DLGAP2: variants seen among roughly 807,000 people sequenced by gnomAD.
The protein encoded by DLGAP2 is DLG associated protein 2.
DLGAP2 carries 26 observed loss-of-function variants against 100.3 expected under a neutral mutation model. That is an observed-to-expected ratio of 0.26 (90% confidence interval 0.19 to 0.36). DLGAP2 has a LOEUF of 0.36. DLGAP2 is among the 10% of genes least tolerant of loss of function. The pLI, the probability that DLGAP2 is intolerant of heterozygous loss-of-function variation, is 1.00. For missense variants in DLGAP2, 1,858 were observed against 1,453.2 expected, an observed-to-expected ratio of 1.28 and a Z score of -4.53; for synonymous variants, 886 against 630.1, an observed-to-expected ratio of 1.41 and a Z score of -6.08.
Position 1,513,074 on chromosome 8 carries a change from A to G in DLGAP2, c.172+11643A>G, listed in dbSNP as rs534678205. ...TCCAGGGAGGCTCAGTGGGATAAGC[A>G]TCTGCCTTTCCCAGTGCAGGGCAAG... is the stretch of plus-strand genomic sequence containing the variant. On this transcript the variant is annotated intron_variant, in intron 4 of 14. Coordinates refer to ENST00000637795, the MANE Select transcript of DLGAP2 (RefSeq NM_001346810.2). 2.7e-4 allele frequency among the ~76,000 whole-genome samples: 35 copies of G among 128,188 alleles called. 1 individual carries two copies. The highest frequency in any genetic ancestry group is 9.6e-4 in the African/African-American group (32 of 33,376). 84.1% of individuals were successfully genotyped at this position (128,188 alleles called of 152,430 possible). A position where few individuals can be genotyped will look rare whatever the true frequency, so the allele number is the denominator to read the frequency against.
At chr8:1,092,201 G>A (rs375381476) in intron 2 of DLGAP2, among the ~76,000 whole-genome samples, 2 of 152,254 alleles carry the variant, frequency 1.3e-5, no homozygotes, top group South Asian at 4.1e-4. Context: ...ACAGGTCAGC[G>A]CTGGGCAGTC....
chr8:856,116 C>G (rs780185250), intron 1 of DLGAP2, among the ~76,000 whole-genome samples: 1 of 150,120 alleles, frequency 6.7e-6, no homozygotes, highest in Non-Finnish European at 1.5e-5. Context: ...ATGCATTTGT[C>G]AACAGATGAC....
intron 3 of DLGAP2, among the ~76,000 whole-genome samples, chr8:1,267,275 A>G (rs1379561874): frequency 1.3e-5 from 2 of 149,076 alleles, no homozygotes; most frequent in East Asian, 2.0e-4. Context: ...AAATAAAATA[A>G]AATAAAAAGG....
chr8:1,622,190 A>G (rs943098372), intron 6 of DLGAP2: 1 of 152,222 alleles, frequency 6.6e-6, no homozygotes, highest in African/African-American at 2.4e-5. Flanking sequence ...TCCATTTTCC[A>G]TTGAATGCAG....
Position 936,188 on chromosome 8 carries a change from G to A in DLGAP2, c.73+28222G>A, listed in dbSNP as rs559801908. On this transcript the variant is annotated intron_variant, in intron 2 of 14. Coordinates refer to ENST00000637795, the MANE Select transcript of DLGAP2 (RefSeq NM_001346810.2). ...GGGTCTCTGAAGAGAGTGAGCCTCT[G>A]TAGGAGTCTGTGTGGCCCGGTCAGC... Among the ~76,000 whole-genome samples the A allele has an allele frequency of 6.5e-4, 99 of 152,308 alleles. 2 individuals carry two copies. In the Middle Eastern group the frequency reaches 0.01, roughly 16 times the overall value.
At chr8:1,110,782 C>A (rs1178917734) in intron 2 of DLGAP2, among the ~76,000 whole-genome samples, 3 of 149,854 alleles carry the variant, frequency 2.0e-5, no homozygotes, top group Non-Finnish European at 4.4e-5. Flanking sequence ...TTTTTACAGA[C>A]CCTCTCTCTC....
intron 2 of DLGAP2, among the ~76,000 whole-genome samples, chr8:1,242,013 T>C (rs938756960): frequency 6.6e-6 from 1 of 152,192 alleles, no homozygotes; most frequent in Admixed American, 6.5e-5. Context: ...CAGGGAATGG[T>C]ACGCAGGTAG....
intron 3 of DLGAP2, among the ~76,000 whole-genome samples, chr8:1,477,356 G>T (rs1798963960): frequency 6.6e-6 from 1 of 152,182 alleles, no homozygotes; most frequent in South Asian, 2.1e-4. Flanking sequence ...TGGACAGGCT[G>T]CCTCCCCACC....
At chr8:1,539,877 G>A (rs1801299165) in intron 4 of DLGAP2, among the ~76,000 whole-genome samples, 1 of 133,110 alleles carries the variant, frequency 7.5e-6, no homozygotes, top group African/African-American at 3.4e-5. Context: ...CCTTCTTCCT[G>A]TGCCCCCCAA....
chr8:1,685,316 C>T (rs73547777), intron 12 of DLGAP2, among the ~76,000 whole-genome samples: 6,601 of 152,204 alleles, frequency 0.043, 478 homozygotes, highest in African/African-American at 0.15. Flanking sequence ...TGGTATCAGA[C>T]CAACAGAGAA....
At chr8:1,026,044 G>A (rs904258186) in intron 2 of DLGAP2, among the ~76,000 whole-genome samples, 5 of 152,210 alleles carry the variant, frequency 3.3e-5, no homozygotes, top group African/African-American at 7.2e-5. Context: ...CGTCCAGGCC[G>A]CCTCCAGCAC....
intron 3 of DLGAP2, among the ~76,000 whole-genome samples, chr8:1,267,560 A>AAATATAATAAC (rs1563051842): frequency 1.8e-5 from 1 of 54,116 alleles, no homozygotes; most frequent in African/African-American, 9.8e-5. Flanking sequence ...TTCCCGCTCA[A>AAATATAATAAC]AATAAAATAA....
rs569394518 is a variant in DLGAP2 at position 1,442,730 on chromosome 8, C to G, written c.107-58636C>G. Among the ~76,000 whole-genome samples the G allele has an allele frequency of 3.4e-5, 5 of 149,134 alleles. No homozygotes were observed. The South Asian group carries it at 1.1e-3, about 32-fold the overall frequency. ...GAGACGGATCCGGGCATAGACCCGC[C>G]AGGCTGCTGTGGGTTCAGCCACTGG... On this transcript the variant is annotated intron_variant, in intron 3 of 14. Transcript: ENST00000637795.
At chr8:1,471,891 G>T (rs1213833027) in intron 3 of DLGAP2, among the ~76,000 whole-genome samples, 2 of 152,200 alleles carry the variant, frequency 1.3e-5, no homozygotes, top group East Asian at 1.9e-4. Context: ...GCTCTGCGCA[G>T]GCCTGCGGTC....
intron 3 of DLGAP2, among the ~76,000 whole-genome samples, chr8:1,335,930 C>T (rs1585271681): frequency 6.6e-6 from 1 of 151,738 alleles, no homozygotes; most frequent in Admixed American, 6.6e-5. Context: ...GCCGGGGCTG[C>T]GCGTGGTGAC....
chr8:1,493,141 C>T (rs1217096436), intron 3 of DLGAP2, among the ~76,000 whole-genome samples: 7 of 152,196 alleles, frequency 4.6e-5, no homozygotes, highest in Non-Finnish European at 7.3e-5. Context: ...CAGGCGGATC[C>T]GTGTAGCAAG....
At chr8:1,117,299 C>G (rs1391036148) in intron 2 of DLGAP2, among the ~76,000 whole-genome samples, 1 of 152,212 alleles carries the variant, frequency 6.6e-6, no homozygotes, top group South Asian at 2.1e-4. Flanking sequence ...CAGACAGATC[C>G]CACCACTCAG....
chr8:1,641,059 G>A (rs762463078), intron 8 of DLGAP2, among the ~76,000 whole-genome samples: 7 of 152,124 alleles, frequency 4.6e-5, no homozygotes, highest in African/African-American at 1.4e-4. Flanking sequence ...TGGGAGACAC[G>A]GGTAAGGGTC....
chr8:1,043,048 GGCTGGCA>G (rs1248760208), intron 2 of DLGAP2, among the ~76,000 whole-genome samples: 3 of 123,272 alleles, frequency 2.4e-5, no homozygotes, highest in South Asian at 2.8e-4. Flanking sequence ...TGGTGGATGT[GGCTGGCA>G]GGTGGTGGAT....
Sources: allele counts gnomAD v4.1 joint callset (sites outside exome capture counted in the v4.1 genomes callset), GRCh38; gene constraint gnomAD v4.1.1; transcripts MANE v1.5; gene names NCBI Gene and HGNC (gene_info 2026-07-23, HGNC 2026-07-21).